Variants in RSF1 observed in about 807,000 individuals in gnomAD.
RSF1 encodes the protein HBV pX-associated protein 8.
A neutral mutation model predicts 145.2 loss-of-function variants in RSF1; 13 were observed. The ratio of observed to expected loss-of-function variants is 0.09; its 90% CI spans 0.06 to 0.14. The LOEUF (loss-of-function observed/expected upper bound fraction) is 0.14. Ranked by LOEUF, RSF1 falls within the 10% of genes least tolerant of loss-of-function variation. RSF1 has a pLI of 1.00. For synonymous variants in RSF1, 577 were observed against 592.6 expected (o/e 0.97, Z 0.38); for missense variants, 1,517 against 1,718.2 (o/e 0.88, Z 2.07).
rs1388880346 is a variant in RSF1 at position 77,665,312 on chromosome 11, T to G, written c.*1605A>C. On this transcript the variant is annotated 3_prime_UTR_variant, in exon 16 of 16. Coordinates refer to ENST00000308488, the MANE Select transcript of RSF1 (RefSeq NM_016578.4). ...CCTTGGGCCAGCAGCAGATATGGTG[T>G]GTCCATTGCCGGCAACAGACACAAC... 6.6e-6 allele frequency: 1 copy of G among 152,168 alleles called. No homozygotes were observed. Among genetic ancestry groups the G allele is most frequent in the Non-Finnish European group, 1.5e-5 (1 of 68,048 alleles). The allele number at this position is 152,168 out of a possible 1,614,324, so 9.4% of individuals were successfully genotyped here.
chr11:77,872,076 T>C, the RSF1 span: 1 of 1,323,172 alleles, frequency 7.6e-7, no homozygotes, highest in East Asian at 2.6e-5. Context: ...GTGACGATTG[T>C]CACTGTCTAA....
At chr11:77,680,544 G>T (rs1321302867) in intron 11 of RSF1, among the ~76,000 whole-genome samples, 1 of 152,186 alleles carries the variant, frequency 6.6e-6, no homozygotes, top group Non-Finnish European at 1.5e-5. Context: ...GAGCCCAGGA[G>T]TTGGGAGTCC....
At chr11:77,811,467 C>G (rs867310221) in intron 1 of RSF1, among the ~76,000 whole-genome samples, 3 of 152,050 alleles carry the variant, frequency 2.0e-5, no homozygotes, top group African/African-American at 7.2e-5. Context: ...ACAAAGTGTA[C>G]GTGCAGGGTA....
intron 15 of RSF1, among the ~76,000 whole-genome samples, chr11:77,670,093 G>A (rs192172064): frequency 1.1e-4 from 17 of 152,294 alleles, no homozygotes; most frequent in African/African-American, 3.4e-4. Flanking sequence ...GCCACTGCAC[G>A]CCAGCCAGGG....
the RSF1 span, among the ~76,000 whole-genome samples, chr11:77,870,429 C>A: frequency 1.3e-5 from 2 of 149,906 alleles, no homozygotes; most frequent in South Asian, 2.1e-4. Context: ...CTCTGCCTCC[C>A]GGGTTCATGC....
intron 1 of RSF1, among the ~76,000 whole-genome samples, chr11:77,773,854 G>A: frequency 6.6e-6 from 1 of 152,126 alleles, no homozygotes; most frequent in East Asian, 1.9e-4. Flanking sequence ...CTAAAAAAGT[G>A]TTTTAAATTT....
At chr11:77,791,227 A>G (rs1420294829) in intron 1 of RSF1, among the ~76,000 whole-genome samples, 1 of 152,162 alleles carries the variant, frequency 6.6e-6, no homozygotes, top group Non-Finnish European at 1.5e-5. Context: ...CTCAACACCA[A>G]ATGGAAGTTG....
In RSF1 at chr11:77,820,639, C is replaced by G; in HGVS notation, c.76G>C (p.Val26Leu). 6.4e-7 allele frequency: 1 copy of G among 1,564,582 alleles called. No individual in the cohort carries two copies. Among genetic ancestry groups the G allele is most frequent in the Non-Finnish European group, 8.6e-7 (1 of 1,156,104 alleles). ...CPGSCPNFAV[V>L]CSFLERYGPL... is the part of the protein sequence containing the mutation. ...CCGTAGCGCTCCAAGAAGGAGCAGA[C>G]TACGGCGAAGTTGGGGCACGAACCC... is the stretch of plus-strand genomic sequence containing the variant. The change falls in exon 1 of 16, where the codon GTC becomes CTC. Residue 26 changes from valine to leucine, a missense_variant. Around this residue, in one of 12 missense-constraint regions of RSF1, gnomAD observed 85 missense variants for 91.8 expected, o/e 0.93. Transcript: ENST00000308488.
At chr11:77,733,820 C>T (rs1431381250) in intron 4 of RSF1, among the ~76,000 whole-genome samples, 1 of 152,172 alleles carries the variant, frequency 6.6e-6, no homozygotes, top group Non-Finnish European at 1.5e-5. Flanking sequence ...CCTGGGCCTC[C>T]CAAAGTGCTG....
the RSF1 span, among the ~76,000 whole-genome samples, chr11:77,858,263 C>T: frequency 1.4e-5 from 2 of 142,264 alleles, no homozygotes; most frequent in East Asian, 2.1e-4. Flanking sequence ...TGTGCAATCT[C>T]GGCTCACTAC....
In RSF1 at chr11:77,664,079, T is replaced by A. The variant is rs1197201562; in HGVS notation, c.*2838A>T. Reference sequence around the variant, plus strand: ...TCGTAGTGACTGTATTGTCTTTGTATACAGAACATTTCGTTTTCTAAAATT... The same window carrying A: ...TCGTAGTGACTGTATTGTCTTTGTAAACAGAACATTTCGTTTTCTAAAATT... On this transcript the variant is annotated 3_prime_UTR_variant, in exon 16 of 16. Coordinates refer to ENST00000308488, the MANE Select transcript of RSF1 (RefSeq NM_016578.4). 3 of 152,226 alleles carry A rather than the reference T, an allele frequency of 2.0e-5. No homozygotes were observed. The highest frequency in any genetic ancestry group is 7.2e-5 in the African/African-American group (3 of 41,468). 9.4% of individuals were successfully genotyped at this position (152,226 alleles called of 1,614,324 possible). A position where few individuals can be genotyped will look rare whatever the true frequency, so the allele number is the denominator to read the frequency against.
Position 77,667,161 on chromosome 11 carries a change from A to G in RSF1, c.4082T>C (p.Leu1361Ser). 1.9e-6 allele frequency: 3 copies of G among 1,614,200 alleles called. No individual in the cohort carries two copies. Among genetic ancestry groups the G allele is most frequent in the Non-Finnish European group, 2.5e-6 (3 of 1,180,034 alleles). ...FENVGKVGSP[L>S]DYSLVDLPST... is the part of the protein sequence containing the mutation. Reference sequence around the variant, plus strand: ...AGGTAAGTCCACTAAGCTATAGTCCAATGGGCTCCCCACTTTGCCTACATT... The same window carrying G: ...AGGTAAGTCCACTAAGCTATAGTCCGATGGGCTCCCCACTTTGCCTACATT... The change falls in exon 16 of 16, where the codon TTG becomes TCG. Residue 1361 changes from leucine to serine, a missense_variant. Physicochemically the swap from Leu to Ser is moderately radical, Grantham distance 145. Transcript: ENST00000308488.
At position 77,747,084 on chromosome 11, in the gene RSF1, C is replaced by A; in HGVS notation, c.324G>T (p.Lys108Asn). 1.2e-6 allele frequency: 2 copies of A among 1,611,900 alleles called. No individual in the cohort carries two copies. Among genetic ancestry groups the A allele is most frequent in the Non-Finnish European group, 1.7e-6 (2 of 1,178,242 alleles). ...FNSTWAWEMEKKGYLEMSVEC... is the reference protein window; with the variant it reads ...FNSTWAWEMENKGYLEMSVEC... ...CAACACTCATTTCAAGATAGCCCTTCTTCTCCATCTCCCATGCCCAGGTAC... is the reference window on the plus strand; with the variant it reads ...CAACACTCATTTCAAGATAGCCCTTATTCTCCATCTCCCATGCCCAGGTAC... Residue 108 changes from lysine (K) to asparagine (N), a missense_variant, in exon 3 of 16, where the codon AAG (lysine) becomes AAT (asparagine). Physicochemically the swap from Lys to Asn is moderately conservative, Grantham distance 94 (BLOSUM62 0). Around this residue, in one of 12 missense-constraint regions of RSF1, gnomAD observed 94 missense variants for 143.6 expected, o/e 0.65. Coordinates refer to ENST00000308488, the MANE Select transcript of RSF1 (RefSeq NM_016578.4).
intron 1 of RSF1, among the ~76,000 whole-genome samples, chr11:77,774,567 T>C (rs1280940842): frequency 7.3e-6 from 1 of 136,468 alleles, no homozygotes; most frequent in Non-Finnish European, 1.6e-5. Context: ...CGAGACTCTG[T>C]CTCAAAAAAT....
chr11:77,770,576 C>T (rs1948272670), intron 1 of RSF1, among the ~76,000 whole-genome samples: 2 of 152,134 alleles, frequency 1.3e-5, no homozygotes, highest in East Asian at 3.8e-4. Context: ...GCAGATAAAC[C>T]AAGGGGTATC....
the RSF1 span, among the ~76,000 whole-genome samples, chr11:77,852,239 A>AAAG: frequency 4.5e-5 from 6 of 133,838 alleles, no homozygotes; most frequent in East Asian, 4.3e-4. Flanking sequence ...AAAAAAAAAA[A>AAAG]AAGAAGAAGA....
At chr11:77,672,732 G>A (rs1959590286) in intron 14 of RSF1, among the ~76,000 whole-genome samples, 1 of 152,166 alleles carries the variant, frequency 6.6e-6, no homozygotes, top group Non-Finnish European at 1.5e-5. Context: ...GCCCAGGCTG[G>A]AGTGCAGTGG....
chr11:77,820,000 T>C (rs1026301290), intron 1 of RSF1, among the ~76,000 whole-genome samples: 2 of 150,652 alleles, frequency 1.3e-5, no homozygotes, highest in Non-Finnish European at 3.0e-5. Context: ...GGAGGGAGAG[T>C]TGAGTGTCCG....
At chr11:77,676,089 A>T (rs1959693885) in intron 13 of RSF1, among the ~76,000 whole-genome samples, 1 of 152,178 alleles carries the variant, frequency 6.6e-6, no homozygotes, top group Non-Finnish European at 1.5e-5. Context: ...TGGACATGTG[A>T]CTTCTATGCT....
Sources: gnomAD v4.1 joint callset for allele counts (sites outside exome capture counted in the v4.1 genomes callset) on GRCh38, gnomAD v4.1.1 for gene constraint, gnomAD v4.1.1 regional missense constraint, MANE v1.5 for transcripts, NCBI Gene and HGNC (gene_info 2026-07-23, HGNC 2026-07-21) for gene names.